Variants in ZFHX3 observed in about 807,000 individuals in gnomAD.
ZFHX3 encodes zinc finger homeobox protein 3.
In ZFHX3, 42 loss-of-function variants were observed where a neutral mutation model predicts 279.1. That is an observed-to-expected ratio of 0.15 (90% CI 0.12 to 0.19). The LOEUF is 0.19. ZFHX3 is among the 10% of genes least tolerant of loss of function. ZFHX3 has a pLI of 1.00. For synonymous variants in ZFHX3, 2,293 were observed against 1,957.8 expected, an observed-to-expected ratio of 1.17 and a Z score of -4.52; for missense variants, 4,981 against 4,754.0, an observed-to-expected ratio of 1.05 and a Z score of -1.40.
chr16:73,839,204 A>T (rs187631291), intron 1 of ZFHX3, among the ~76,000 whole-genome samples: 2 of 151,698 alleles, frequency 1.3e-5, no homozygotes, highest in African/African-American at 4.8e-5. Context: ...TAAAAATGCA[A>T]AAACAAAATT....
intron 2 of ZFHX3, among the ~76,000 whole-genome samples, chr16:73,645,447 G>T (rs369119861): frequency 6.6e-6 from 1 of 152,052 alleles, no homozygotes; most frequent in African/African-American, 2.4e-5. Context: ...TAGTAGAGAC[G>T]GGGTTTCACC....
At chr16:72,847,633 T>C (rs557631301) in intron 4 of ZFHX3, among the ~76,000 whole-genome samples, 3 of 151,438 alleles carry the variant, frequency 2.0e-5, no homozygotes, top group East Asian at 3.9e-4. Flanking sequence ...AGGGGAGGGG[T>C]GGCAGGTAAA....
At chr16:73,277,997 C>T (rs1297730957) in intron 4 of ZFHX3, among the ~76,000 whole-genome samples, 1 of 152,086 alleles carries the variant, frequency 6.6e-6, no homozygotes, top group Non-Finnish European at 1.5e-5. Flanking sequence ...GAATATCTGC[C>T]CTCATGATCC....
intron 2 of ZFHX3, among the ~76,000 whole-genome samples, chr16:73,458,758 G>A (rs1226013788): frequency 6.6e-6 from 1 of 152,034 alleles, no homozygotes; most frequent in Non-Finnish European, 1.5e-5. Flanking sequence ...TTCCTTTTTA[G>A]TAAAAACATT....
intron 2 of ZFHX3, among the ~76,000 whole-genome samples, chr16:73,536,382 A>G (rs537375569): frequency 7.0e-4 from 107 of 152,350 alleles, no homozygotes; most frequent in Non-Finnish European, 1.2e-3. Flanking sequence ...CTACAGCCTC[A>G]GTTTACATTG....
At chr16:73,420,894 G>C (rs1475443042) in intron 3 of ZFHX3, 1 of 152,154 alleles carries the variant, frequency 6.6e-6, no homozygotes, top group Non-Finnish European at 1.5e-5. Context: ...GCCAGCAACT[G>C]TTATCTTTGT....
chr16:73,542,207 T>A (rs911616090), intron 2 of ZFHX3, among the ~76,000 whole-genome samples: 4 of 150,350 alleles, frequency 2.7e-5, no homozygotes, highest in African/African-American at 9.7e-5. Flanking sequence ...CACTTTCAAG[T>A]GGCCTTAATG....
intron 3 of ZFHX3, among the ~76,000 whole-genome samples, chr16:72,896,639 G>A (rs999820749): frequency 2.0e-5 from 3 of 152,090 alleles, no homozygotes; most frequent in Non-Finnish European, 2.9e-5. Flanking sequence ...ATAATGCATC[G>A]TGAAAATCAA....
chr16:73,095,921 C>T (rs1966156835), intron 7 of ZFHX3, among the ~76,000 whole-genome samples: 1 of 152,204 alleles, frequency 6.6e-6, no homozygotes, highest in Non-Finnish European at 1.5e-5. Flanking sequence ...TACAACATTG[C>T]ACTTACTGTA....
chr16:73,052,057 G>A (rs1478475440), upstream of ZFHX3, among the ~76,000 whole-genome samples: 1 of 152,098 alleles, frequency 6.6e-6, no homozygotes, highest in African/African-American at 2.4e-5. Context: ...TTGTTCATAG[G>A]CCATTCCCAC....
Position 72,787,172 on chromosome 16 carries a change from T to G in ZFHX3, c.11104A>C (p.Arg3702=). The change falls in exon 10 of 10, where the codon AGA becomes CGA. Residue 3702 remains arginine, a synonymous_variant. Coordinates refer to ENST00000268489, the MANE Select transcript of ZFHX3 (RefSeq NM_006885.4). The part of the protein sequence containing the change: ...GLTSVGTDTF[R]L Reference sequence around the variant, plus strand: ...TTGTTCATCTTCAAAGCTTACAATCTGAAGGTGTCCGTTCCTACACTGGTC... The same window carrying G: ...TTGTTCATCTTCAAAGCTTACAATCGGAAGGTGTCCGTTCCTACACTGGTC... 1 of 1,559,206 alleles carries G rather than the reference T, an allele frequency of 6.4e-7. No individual in the cohort carries two copies. The highest frequency in any genetic ancestry group is 8.7e-7 in the Non-Finnish European group (1 of 1,147,420).
intron 3 of ZFHX3, among the ~76,000 whole-genome samples, chr16:73,348,690 C>G (rs1047033924): frequency 6.6e-6 from 1 of 152,228 alleles, no homozygotes; most frequent in Non-Finnish European, 1.5e-5. Flanking sequence ...CACACTCACA[C>G]GTTCTTTGCA....
chr16:73,080,439 AT>A (rs1965930240), intron 8 of ZFHX3, among the ~76,000 whole-genome samples: 1 of 152,214 alleles, frequency 6.6e-6, no homozygotes, highest in Non-Finnish European at 1.5e-5. Flanking sequence ...AGTCTATGAT[AT>A]TTTGTGATAG....
At chr16:73,457,470 C>T (rs1007322339) in intron 2 of ZFHX3, among the ~76,000 whole-genome samples, 1 of 152,174 alleles carries the variant, frequency 6.6e-6, no homozygotes, top group African/African-American at 2.4e-5. Flanking sequence ...CACATTCAGA[C>T]ACTTACAAAA....
At chr16:73,748,320 C>T (rs1032331948) in intron 1 of ZFHX3, among the ~76,000 whole-genome samples, 3 of 152,172 alleles carry the variant, frequency 2.0e-5, no homozygotes. Flanking sequence ...TTCTGATTGC[C>T]TCCATCTACC....
chr16:72,848,007 C>T (rs1209700003), intron 4 of ZFHX3, among the ~76,000 whole-genome samples: 1 of 152,178 alleles, frequency 6.6e-6, no homozygotes, highest in African/African-American at 2.4e-5. Flanking sequence ...CTGAACTTAG[C>T]TGCTGCCTTT....
chr16:73,757,399 GAAC>G (rs2053821205), intron 1 of ZFHX3, among the ~76,000 whole-genome samples: 1 of 152,196 alleles, frequency 6.6e-6, no homozygotes, highest in East Asian at 1.9e-4. Context: ...CAGATTCTCA[GAAC>G]ATCAGCTGTG....
intron 2 of ZFHX3, among the ~76,000 whole-genome samples, chr16:73,626,136 G>A (rs1410500256): frequency 2.6e-5 from 4 of 152,150 alleles, no homozygotes; most frequent in Admixed American, 2.0e-4. Flanking sequence ...GATTACAGGC[G>A]TGAGCCACCA....
chr16:73,694,774 T>C (rs1041356081), intron 1 of ZFHX3, among the ~76,000 whole-genome samples: 4 of 152,236 alleles, frequency 2.6e-5, no homozygotes, highest in African/African-American at 7.2e-5. Context: ...TCAATGGCCA[T>C]GGGCCTGCTC....
Sources: gnomAD v4.1 joint callset for allele counts (sites outside exome capture counted in the v4.1 genomes callset) on GRCh38, gnomAD v4.1.1 for gene constraint, MANE v1.5 for transcripts, NCBI Gene and HGNC (gene_info 2026-07-23, HGNC 2026-07-21) for gene names.